The following NETO1 variants were observed in gnomAD, a reference collection of about 807,000 sequenced individuals.
NETO1 encodes the protein neuropilin and tolloid-like protein 1.
Under a neutral mutation model 61.3 loss-of-function variants are expected in NETO1, and 26 were observed. That is an observed-to-expected ratio of 0.42 (90% CI 0.31 to 0.59). The LOEUF (loss-of-function observed/expected upper bound fraction) is 0.59, where lower values mean the gene tolerates loss of function less well. Ranked by LOEUF, NETO1 falls within the 20% of genes least tolerant of loss-of-function variation. NETO1 has a pLI of 0.12. For missense variants in NETO1, 531 were observed against 662.8 expected, an observed-to-expected ratio of 0.80 and a Z score of 2.18; for synonymous variants, 225 against 225.8, an observed-to-expected ratio of 1.00 and a Z score of 0.03.
intron 6 of NETO1, 28 bp from the exon 7 acceptor site, chr18:72,783,934 A>T (rs2071826934): frequency 6.6e-7 from 1 of 1,512,992 alleles, no homozygotes; most frequent in Non-Finnish European, 9.2e-7. Flanking sequence ...AATAATTTCC[A>T]CATATCAAAA....
chr18:72,833,291 C>A lies in NETO1; in HGVS notation c.469+25535G>T, dbSNP rs182521369. The stretch of plus-strand genomic sequence containing the variant: ...ATTTAAGCACTTCACCTGGTTAAAT[C>A]CTCCTACTTTAGATCTGTACTTGAA... On this transcript the variant is annotated intron_variant, in intron 4 of 10. Coordinates refer to ENST00000327305, the MANE Select transcript of NETO1 (RefSeq NM_138966.5). Among the ~76,000 whole-genome samples the A allele has an allele frequency of 1.5e-4, 23 of 152,230 alleles. No individual in the cohort carries two copies. In the East Asian group the frequency reaches 4.4e-3, roughly 29 times the overall value.
At chr18:72,853,126 C>T (rs1389455904) in intron 4 of NETO1, among the ~76,000 whole-genome samples, 1 of 152,156 alleles carries the variant, frequency 6.6e-6, no homozygotes, top group Non-Finnish European at 1.5e-5. Context: ...TGAGTCACCG[C>T]ACCTTGTCAC....
At position 72,756,161 on chromosome 18, in the gene NETO1, G is replaced by T; in HGVS notation, c.869-14C>A. On this transcript the variant is annotated splice_polypyrimidine_tract_variant and intron_variant, in intron 7 of 10. Transcript: ENST00000327305. ...CTTCACAAGGAGCTAAAAAGAAGAA[G>T]AACAAGACAAAGGAGGAAAGTTATA... 4 of 1,354,244 alleles carry T rather than the reference G, an allele frequency of 3.0e-6. No homozygotes were observed. Among genetic ancestry groups the T allele is most frequent in the South Asian group, 1.2e-5 (1 of 83,854 alleles). 83.9% of individuals were successfully genotyped at this position (1,354,244 alleles called of 1,614,324 possible).
chr18:72,828,324 A>AT (rs1163257968), intron 4 of NETO1, among the ~76,000 whole-genome samples: 10 of 150,934 alleles, frequency 6.6e-5, no homozygotes, highest in East Asian at 1.9e-4. Flanking sequence ...AAAAAAAAAA[A>AT]GCAAATCAAG....
intron 7 of NETO1, among the ~76,000 whole-genome samples, chr18:72,758,733 G>C (rs1321473471): frequency 6.6e-6 from 1 of 152,040 alleles, no homozygotes; most frequent in Non-Finnish European, 1.5e-5. Context: ...CTACTCGGGA[G>C]GCTCAGGCAG....
At chr18:72,757,201 T>A (rs9958794) in intron 7 of NETO1, among the ~76,000 whole-genome samples, 1 of 151,854 alleles carries the variant, frequency 6.6e-6, no homozygotes, top group Admixed American at 6.6e-5. Flanking sequence ...GAAGATATAT[T>A]AATGATCAGT....
chr18:72,752,560 G>C (rs533221861), intron 8 of NETO1, among the ~76,000 whole-genome samples: 9 of 152,106 alleles, frequency 5.9e-5, no homozygotes, highest in African/African-American at 2.2e-4. Flanking sequence ...AGTATTCAGA[G>C]ATGCTACTAA....
At chr18:72,799,491 T>C (rs1454737128) in intron 4 of NETO1, among the ~76,000 whole-genome samples, 4 of 152,200 alleles carry the variant, frequency 2.6e-5, no homozygotes, top group African/African-American at 7.2e-5. Context: ...TGTATATGCA[T>C]GAATGGAGTG....
chr18:72,786,585 C>T (rs188677397), intron 6 of NETO1, among the ~76,000 whole-genome samples: 4 of 152,122 alleles, frequency 2.6e-5, no homozygotes, highest in Admixed American at 6.6e-5. Context: ...TATGCCCCAA[C>T]GAGGCCTTCA....
chr18:72,762,213 T>G (rs1223410761), intron 7 of NETO1, among the ~76,000 whole-genome samples: 2 of 151,324 alleles, frequency 1.3e-5, no homozygotes, highest in African/African-American at 2.4e-5. Context: ...CAGGCTGGAG[T>G]GCAATGGCGC....
At chr18:72,814,588 G>T (rs2072970751) in intron 4 of NETO1, among the ~76,000 whole-genome samples, 1 of 151,984 alleles carries the variant, frequency 6.6e-6, no homozygotes, top group South Asian at 2.1e-4. Flanking sequence ...CAGAAAACTG[G>T]ACTAGAACAC....
chr18:72,806,601 T>G (rs1192433237), intron 4 of NETO1, among the ~76,000 whole-genome samples: 1 of 152,192 alleles, frequency 6.6e-6, no homozygotes, highest in African/African-American at 2.4e-5. Context: ...CTTCCTAAAA[T>G]TTTTAAACTA....
chr18:72,821,450 A>G (rs1469178260), intron 4 of NETO1, among the ~76,000 whole-genome samples: 3 of 151,476 alleles, frequency 2.0e-5, no homozygotes, highest in African/African-American at 7.3e-5. Flanking sequence ...CCTATAATCC[A>G]ACTACTCAAG....
chr18:72,796,463 G>A (rs527512049), intron 4 of NETO1, among the ~76,000 whole-genome samples: 1 of 152,156 alleles, frequency 6.6e-6, no homozygotes. Flanking sequence ...CCTTTGCAAA[G>A]CTGTTTTTAA....
At chr18:72,863,389 C>A (rs2074639210) in intron 3 of NETO1, among the ~76,000 whole-genome samples, 1 of 152,170 alleles carries the variant, frequency 6.6e-6, no homozygotes, top group Admixed American at 6.5e-5. Flanking sequence ...CCCGTCGCAA[C>A]TACTTTGTGC....
At chr18:72,837,037 G>A (rs371195813) in intron 4 of NETO1, among the ~76,000 whole-genome samples, 106 of 152,278 alleles carry the variant, frequency 7.0e-4, no homozygotes, top group African/African-American at 2.3e-3. Context: ...AATATGTCTC[G>A]TGTGATGTGG....
chr18:72,812,046 T>C (rs2072884813), intron 4 of NETO1, among the ~76,000 whole-genome samples: 2 of 152,194 alleles, frequency 1.3e-5, no homozygotes, highest in Non-Finnish European at 2.9e-5. Context: ...ACCGCAATTG[T>C]AAGTGTGATG....
At chr18:72,766,221 T>TATGTGTGTGTGTGTGA (rs2071154598) in intron 7 of NETO1, among the ~76,000 whole-genome samples, 1 of 3,386 alleles carries the variant, frequency 3.0e-4, no homozygotes, top group Admixed American at 4.2e-3. Context: ...AAAAAAAATA[T>TATGTGTGTGTGTGTGA]GTGTGTGTGT....
At chr18:72,859,799 TCTC>T (rs2074514386) in intron 3 of NETO1, among the ~76,000 whole-genome samples, 1 of 152,098 alleles carries the variant, frequency 6.6e-6, no homozygotes, top group Non-Finnish European at 1.5e-5. Context: ...CCCAACATTA[TCTC>T]CTCTTTACAC....
Sources: gnomAD v4.1 joint callset for allele counts (sites outside exome capture counted in the v4.1 genomes callset) on GRCh38, gnomAD v4.1.1 for gene constraint, MANE v1.5 for transcripts, NCBI Gene and HGNC (gene_info 2026-07-23, HGNC 2026-07-21) for gene names.